Variants in IPO7 observed in about 807,000 individuals in gnomAD.
IPO7 encodes importin 7, also known as importin-7.
In IPO7, 13 loss-of-function variants were observed where a neutral mutation model predicts 136.4. The ratio of observed to expected loss-of-function variants is 0.10; its 90% CI spans 0.06 to 0.15. The LOEUF (loss-of-function observed/expected upper bound fraction) is 0.15, where lower values mean the gene tolerates loss of function less well. Among genes scored for constraint, IPO7 ranks in the 10% least tolerant of loss-of-function variants. IPO7 has a pLI of 1.00. For missense variants in IPO7, 857 were observed against 1,240.6 expected, an observed-to-expected ratio of 0.69 and a Z score of 4.65; for synonymous variants, 403 against 404.4, an observed-to-expected ratio of 1.00 and a Z score of 0.04.
intron 5 of IPO7, 62 bp from the exon 6 acceptor site, chr11:9,416,996 TA>T: frequency 2.5e-6 from 2 of 793,710 alleles, no homozygotes; most frequent in African/African-American, 1.7e-5. Context: ...TTGTGAAGAG[TA>T]AAAAGAAGTA....
chr11:9,436,950 A>G (rs920712377), intron 20 of IPO7, among the ~76,000 whole-genome samples: 35 of 132,902 alleles, frequency 2.6e-4, no homozygotes, highest in Non-Finnish European at 4.3e-4. Flanking sequence ...CAGTCGCGCA[A>G]TCTCAGCTCA....
At chr11:9,399,885 G>A (rs536871264) in intron 1 of IPO7, among the ~76,000 whole-genome samples, 35 of 152,248 alleles carry the variant, frequency 2.3e-4, no homozygotes, top group African/African-American at 8.4e-4. Context: ...AACTCCTTCT[G>A]TTCAGGTCTT....
At chr11:9,408,870 C>T (rs977047242) in intron 3 of IPO7, among the ~76,000 whole-genome samples, 8 of 151,258 alleles carry the variant, frequency 5.3e-5, no homozygotes, top group African/African-American at 1.2e-4. Context: ...CATGGCACCA[C>T]GCCCAGCTAA....
chr11:9,428,759 A>G, intron 13 of IPO7, 130 bp downstream of exon 13: 1 of 791,860 alleles, frequency 1.3e-6, no homozygotes. Flanking sequence ...TTTAATGTAA[A>G]TCTTTACATG....
At chr11:9,422,366 G>A (rs1356685721) in intron 8 of IPO7, among the ~76,000 whole-genome samples, 7 of 151,714 alleles carry the variant, frequency 4.6e-5, no homozygotes, top group Admixed American at 4.6e-4. Context: ...CCATGGTTTT[G>A]TACCATTGGT....
At chr11:9,397,480 A>G (rs950847635) in intron 1 of IPO7, among the ~76,000 whole-genome samples, 2 of 149,900 alleles carry the variant, frequency 1.3e-5, no homozygotes, top group African/African-American at 4.9e-5. Context: ...ATCCTCCTGC[A>G]TCAGCCTCCC....
At chr11:9,387,074 G>A (rs1305899467) in intron 1 of IPO7, among the ~76,000 whole-genome samples, 1 of 152,138 alleles carries the variant, frequency 6.6e-6, no homozygotes, top group Non-Finnish European at 1.5e-5. Context: ...ACAGATCTCA[G>A]ACAAGTCTTG....
At chr11:9,424,814 T>C in intron 10 of IPO7, 100 bp from the exon 11 acceptor site, 1 of 771,432 alleles carries the variant, frequency 1.3e-6, no homozygotes, top group Non-Finnish European at 2.2e-6. Flanking sequence ...TAAAGGGATC[T>C]GGGATCATTT....
At chr11:9,427,060 G>A (rs1459954295) in intron 12 of IPO7, among the ~76,000 whole-genome samples, 2 of 152,070 alleles carry the variant, frequency 1.3e-5, no homozygotes, top group Non-Finnish European at 2.9e-5. Context: ...ATGTTGGCCA[G>A]GCTGGTCTCA....
At position 9,410,025 on chromosome 11, in the gene IPO7, G is replaced by C. The variant is rs752979658; in HGVS notation, c.418G>C (p.Asp140His). 1.2e-6 allele frequency: 2 copies of C among 1,604,986 alleles called. No homozygotes were observed. Among genetic ancestry groups the C allele is most frequent in the East Asian group, 4.5e-5 (2 of 44,252 alleles). Residue 140 changes from aspartate (D) to histidine (H), a missense_variant, in exon 4 of 25, where the codon GAT becomes CAT. Transcript: ENST00000379719. Reference sequence around the variant, plus strand: ...CAAAATTGGCTTTTATCTTCAGTCCGATAACAGTGCTTGTTGGCTAGGAAT... The same window carrying C: ...CAAAATTGGCTTTTATCTTCAGTCCCATAACAGTGCTTGTTGGCTAGGAAT... ...VDKIGFYLQS[D>H]NSACWLGILL...
chr11:9,436,423 T>C, intron 20 of IPO7, 57 bp downstream of exon 20: 8 of 1,215,170 alleles, frequency 6.6e-6, no homozygotes, highest in African/African-American at 1.5e-5. Flanking sequence ...CCTTCCACTT[T>C]CTTTCTTCAT....
At chr11:9,434,829 A>G in intron 18 of IPO7, 105 bp from the exon 19 acceptor site, 1 of 760,304 alleles carries the variant, frequency 1.3e-6, no homozygotes, top group African/African-American at 1.7e-5. Context: ...AATGTTAGAG[A>G]CAAAATGATC....
At chr11:9,437,082 C>T (rs1185569737) in intron 20 of IPO7, among the ~76,000 whole-genome samples, 1 of 149,368 alleles carries the variant, frequency 6.7e-6, no homozygotes, top group East Asian at 2.0e-4. Flanking sequence ...GAAGGAGTTT[C>T]GCCATTTTGG....
chr11:9,404,976 A>G (rs1232920205), intron 2 of IPO7, among the ~76,000 whole-genome samples: 1 of 152,206 alleles, frequency 6.6e-6, no homozygotes, highest in Admixed American at 6.5e-5. Flanking sequence ...TGTTAACAGT[A>G]TATTTTCATT....
intron 10 of IPO7, 36 bp downstream of exon 10, chr11:9,423,912 T>C: frequency 7.9e-7 from 1 of 1,266,170 alleles, no homozygotes; most frequent in Non-Finnish European, 1.2e-6. Flanking sequence ...ACAAAAAATG[T>C]CAGTAATTAA....
In IPO7 at chr11:9,435,114, T is replaced by C; in HGVS notation, c.2172+83T>C. 1.2e-5 allele frequency: 10 copies of C among 827,464 alleles called. No homozygotes were observed. The South Asian group carries it at 1.3e-4, about 11-fold the overall frequency. 51.3% of individuals were successfully genotyped at this position (827,464 alleles called of 1,614,324 possible). A position where few individuals can be genotyped will look rare whatever the true frequency, so the allele number is the denominator to read the frequency against. On this transcript the variant is annotated intron_variant, in intron 19 of 24. Transcript: ENST00000379719. Reference sequence around the variant, plus strand: ...TGTGAAAACTCATGTGATACCACATTGTAGTAATAAACATGTAAACATGGA... The same window carrying C: ...TGTGAAAACTCATGTGATACCACATCGTAGTAATAAACATGTAAACATGGA...
chr11:9,410,841 A>G (rs962259718), intron 4 of IPO7, among the ~76,000 whole-genome samples: 20 of 152,182 alleles, frequency 1.3e-4, no homozygotes, highest in African/African-American at 4.8e-4. Context: ...TTATACCATG[A>G]TCGTGACTTT....
Position 9,437,232 on chromosome 11 carries a change from T to C in IPO7, c.2269-522T>C, listed in dbSNP as rs369931366. 1.1e-4 allele frequency among the ~76,000 whole-genome samples: 16 copies of C among 151,142 alleles called. No individual in the cohort carries two copies. In the East Asian group the frequency reaches 2.7e-3, roughly 26 times the overall value. ...ACTTGTGAAGCCATGATTGATATCA[T>C]CGTGAGCTTTTATTTATTTTTTATT... On this transcript the variant is annotated intron_variant, in intron 20 of 24. Coordinates refer to ENST00000379719, the MANE Select transcript of IPO7 (RefSeq NM_006391.3).
At chr11:9,409,054 GT>G (rs751184518) in intron 3 of IPO7, among the ~76,000 whole-genome samples, 1 of 150,662 alleles carries the variant, frequency 6.6e-6, no homozygotes, top group Non-Finnish European at 1.5e-5. Context: ...ATATAGGCCT[GT>G]TTTTTTTGTA....
Sources: allele counts gnomAD v4.1 joint callset (sites outside exome capture counted in the v4.1 genomes callset), GRCh38; gene constraint gnomAD v4.1.1; transcripts MANE v1.5; gene names NCBI Gene and HGNC (gene_info 2026-07-23, HGNC 2026-07-21).